The following SUN1 variants were observed in gnomAD, a reference collection of about 807,000 sequenced individuals.
SUN1 encodes the protein SUN domain-containing protein 1.
In SUN1, 61 loss-of-function variants were observed where a neutral mutation model predicts 103.2. The observed-to-expected ratio is 0.59, with a 90% CI of 0.48 to 0.73. The LOEUF is 0.73. Ranked by LOEUF, SUN1 falls within the 30% of genes least tolerant of loss-of-function variation. The pLI, the probability that SUN1 is intolerant of heterozygous loss-of-function variation, is 0.00. For missense variants in SUN1, 1,052 were observed against 1,034.6 expected, an observed-to-expected ratio of 1.02 and a Z score of -0.23; for synonymous variants, 490 against 425.7, an observed-to-expected ratio of 1.15 and a Z score of -1.86.
At chr7:851,509 G>A (rs569375881) in intron 6 of SUN1, 27 bp downstream of exon 6, 41 of 1,568,002 alleles carry the variant, frequency 2.6e-5, no homozygotes, top group African/African-American at 2.6e-4. Context: ...TCTGTGTTGC[G>A]TTCTCTCCAG....
At chr7:848,616 G>A (rs1289100046) in intron 5 of SUN1, 1 of 1,317,016 alleles carries the variant, frequency 7.6e-7, no homozygotes, top group South Asian at 1.2e-5. Context: ...GAATCAAAAG[G>A]TATTTAAATA....
chr7:844,860 G>C (rs1813755167), intron 5 of SUN1, among the ~76,000 whole-genome samples: 1 of 152,168 alleles, frequency 6.6e-6, no homozygotes, highest in Non-Finnish European at 1.5e-5. Context: ...GTCTGACCCA[G>C]GTGCTCCCCC....
At chr7:857,990 T>C (rs575429152) in intron 13 of SUN1, 33 bp downstream of exon 13, 2 of 1,520,240 alleles carry the variant, frequency 1.3e-6, no homozygotes, top group South Asian at 1.3e-5. Flanking sequence ...TTTTGTTTTA[T>C]AATAGAAAGT....
At chr7:820,533 G>A (rs1784957363) in intron 1 of SUN1, among the ~76,000 whole-genome samples, 1 of 152,184 alleles carries the variant, frequency 6.6e-6, no homozygotes, top group Admixed American at 6.5e-5. Flanking sequence ...AAGATAGTTT[G>A]ACATCTTCCT....
upstream of SUN1, chr7:830,991 T>A: frequency 1.0e-6 from 1 of 985,464 alleles, no homozygotes; most frequent in Non-Finnish European, 1.2e-6. Flanking sequence ...TAGCCTACAT[T>A]GGATCCAGGC....
chr7:846,617 G>A (rs1816064928), intron 5 of SUN1, among the ~76,000 whole-genome samples: 2 of 152,134 alleles, frequency 1.3e-5, no homozygotes, highest in South Asian at 2.1e-4. Flanking sequence ...GCTCATGCCT[G>A]TAATCCCAGA....
Position 860,180 on chromosome 7 carries a change from A to G in SUN1, c.1577A>G (p.Gln526Arg). 1.9e-6 allele frequency: 3 copies of G among 1,614,248 alleles called. No individual in the cohort carries two copies. Among genetic ancestry groups the G allele is most frequent in the Middle Eastern group, 1.6e-4 (1 of 6,062 alleles). The part of the protein sequence containing the change: ...MVKLLFSEDQ[Q>R]GGSLEQLLQR... ...AAACTCCTGTTTTCCGAAGATCAGC[A>G]AGGCGGTTCTCTGGAACAGCTGCTG... The change falls in exon 14 of 19, where the codon CAA (glutamine) becomes CGA (arginine). Residue 526 changes from glutamine to arginine, a missense_variant. Coordinates refer to ENST00000401592, the MANE Select transcript of SUN1 (RefSeq NM_001130965.3).
At chr7:839,116 G>C in intron 2 of SUN1, 130 bp downstream of exon 2, 2 of 896,300 alleles carry the variant, frequency 2.2e-6, no homozygotes, top group Non-Finnish European at 3.1e-6. Flanking sequence ...TGCGTGTACA[G>C]ACACACAAAC....
At chr7:818,852 C>T (rs549819217) in intron 1 of SUN1, among the ~76,000 whole-genome samples, 1 of 141,588 alleles carries the variant, frequency 7.1e-6, no homozygotes, top group African/African-American at 2.7e-5. Flanking sequence ...TCAGGTCCTT[C>T]CCCGCTCCCC....
At chr7:847,576 G>A (rs879647624) in intron 5 of SUN1, among the ~76,000 whole-genome samples, 8 of 28,850 alleles carry the variant, frequency 2.8e-4, no homozygotes, top group African/African-American at 1.1e-3. Context: ...GGGTTACCCC[G>A]CAGCGCCGTG....
chr7:832,589 C>T lies in SUN1; in HGVS notation c.65C>T (p.Thr22Met), dbSNP rs1458736598. ...TGTGTGCCGGAGAACACGGGCTACA[C>T]GTATGCGCTCAGGTGAGTGTGCACC... is the stretch of plus-strand genomic sequence containing the variant. ...PQCVPENTGY[T>M]YALSSSYSSD... is the part of the protein sequence containing the mutation. The change falls in exon 1 of 19, where the codon ACG (threonine) becomes ATG (methionine). Residue 22 changes from threonine (T) to methionine (M), a missense_variant. Around this residue, in one of 2 missense-constraint regions of SUN1, gnomAD observed 846 missense variants for 774.5 expected, o/e 1.09. Coordinates refer to ENST00000401592, the MANE Select transcript of SUN1 (RefSeq NM_001130965.3). The T allele has an allele frequency of 3.1e-6, 5 of 1,611,590 alleles. No homozygotes were observed. The highest frequency in any genetic ancestry group is 1.7e-5 in the Admixed American group (1 of 59,720).
chr7:837,048 C>T (rs1023828333), intron 1 of SUN1, among the ~76,000 whole-genome samples: 1 of 152,240 alleles, frequency 6.6e-6, no homozygotes, highest in Non-Finnish European at 1.5e-5. Context: ...TCATGACGCA[C>T]TCACACCTGC....
upstream of SUN1, chr7:816,290 G>C: frequency 9.5e-6 from 1 of 105,056 alleles, no homozygotes; most frequent in Non-Finnish European, 1.6e-5. Flanking sequence ...ACCCCCCCCA[G>C]CAGGTGCAGA....
chr7:839,410 A>T (rs1472105071), intron 2 of SUN1, among the ~76,000 whole-genome samples: 1 of 152,174 alleles, frequency 6.6e-6, no homozygotes, highest in South Asian at 2.1e-4. Flanking sequence ...CTGGAGACGG[A>T]GTCTCGCTCT....
At chr7:862,862 C>G (rs903264443) in intron 15 of SUN1, among the ~76,000 whole-genome samples, 12 of 152,320 alleles carry the variant, frequency 7.9e-5, no homozygotes, top group African/African-American at 1.9e-4. Context: ...TTTAAAACAT[C>G]AGTTTCTGGC....
intron 5 of SUN1, chr7:849,598 C>T (rs565495394): frequency 6.8e-6 from 10 of 1,461,280 alleles, no homozygotes; most frequent in Middle Eastern, 1.9e-4. Context: ...AATGGGGAAG[C>T]GCTGTGTAAG....
chr7:859,909 G>A (rs538556629), intron 13 of SUN1, among the ~76,000 whole-genome samples: 35 of 152,244 alleles, frequency 2.3e-4, no homozygotes, highest in South Asian at 4.1e-4. Flanking sequence ...GATGTGGGTC[G>A]CACACATCCC....
At chr7:827,565 G>A (rs928856355), upstream of SUN1, among the ~76,000 whole-genome samples, 1 of 150,860 alleles carries the variant, frequency 6.6e-6, no homozygotes, top group Non-Finnish European at 1.5e-5. Context: ...CACCTCCCGG[G>A]TTCACGCCAT....
upstream of SUN1, chr7:816,489 C>T (rs903122229): frequency 3.9e-6 from 1 of 258,522 alleles, no homozygotes; most frequent in Admixed American, 5.8e-5. Flanking sequence ...CTCGCCCCTC[C>T]GCCCGCGGCC....
Sources: allele counts gnomAD v4.1 joint callset (sites outside exome capture counted in the v4.1 genomes callset), GRCh38; gene constraint gnomAD v4.1.1; regional missense constraint gnomAD v4.1.1; transcripts MANE v1.5; gene names NCBI Gene and HGNC (gene_info 2026-07-23, HGNC 2026-07-21).